The following LRMDA variants were observed in gnomAD, a reference collection of about 807,000 sequenced individuals.
LRMDA encodes leucine-rich melanocyte differentiation-associated protein.
LRMDA carries 18 observed loss-of-function variants against 29.8 expected under a neutral mutation model. The ratio of observed to expected loss-of-function variants is 0.60; its 90% CI spans 0.42 to 0.90. The LOEUF (loss-of-function observed/expected upper bound fraction) is 0.90. Among genes scored for constraint, LRMDA ranks in the 40% least tolerant of loss-of-function variants. LRMDA has a pLI of 0.00. For missense variants in LRMDA, 273 were observed against 273.9 expected (o/e 1.00, Z 0.02); for synonymous variants, 125 against 109.4 (o/e 1.14, Z -0.89).
intron 2 of LRMDA, among the ~76,000 whole-genome samples, chr10:75,831,010 G>T (rs532749326): frequency 6.6e-6 from 1 of 152,110 alleles, no homozygotes; most frequent in Non-Finnish European, 1.5e-5. Flanking sequence ...GGGGCTATTG[G>T]CCCCATGCAA....
intron 2 of LRMDA, among the ~76,000 whole-genome samples, chr10:75,839,909 C>T (rs889184859): frequency 3.9e-5 from 6 of 151,954 alleles, no homozygotes; most frequent in East Asian, 1.9e-4. Flanking sequence ...GGGGTTTCAC[C>T]GTATTATCCA....
At chr10:76,050,662 A>G (rs539052866) in intron 4 of LRMDA, among the ~76,000 whole-genome samples, 2 of 152,240 alleles carry the variant, frequency 1.3e-5, no homozygotes, top group Non-Finnish European at 2.9e-5. Context: ...ACAGCAGTGC[A>G]AGACTTGGCC....
intron 2 of LRMDA, among the ~76,000 whole-genome samples, chr10:75,713,044 G>C (rs897026749): frequency 6.6e-6 from 1 of 152,168 alleles, no homozygotes; most frequent in African/African-American, 2.4e-5. Flanking sequence ...CTTTAGGGAG[G>C]CATGGGATAG....
At chr10:75,589,500 C>A (rs896162143) in intron 2 of LRMDA, among the ~76,000 whole-genome samples, 10 of 152,116 alleles carry the variant, frequency 6.6e-5, no homozygotes, top group African/African-American at 2.4e-4. Flanking sequence ...GGCCTGTAAT[C>A]CCAGCAATTT....
intron 2 of LRMDA, among the ~76,000 whole-genome samples, chr10:75,810,585 A>G (rs556117765): frequency 6.5e-4 from 99 of 152,326 alleles, no homozygotes; most frequent in African/African-American, 2.3e-3. Flanking sequence ...AGAAATACCA[A>G]TTTCACACAA....
chr10:75,462,019 A>C (rs901946307), intron 2 of LRMDA, among the ~76,000 whole-genome samples: 5 of 152,252 alleles, frequency 3.3e-5, no homozygotes, highest in Admixed American at 6.5e-5. Flanking sequence ...ATGACAAATC[A>C]AGTACGCTAA....
chr10:75,486,397 G>A (rs1211543120), intron 2 of LRMDA, among the ~76,000 whole-genome samples: 4 of 152,062 alleles, frequency 2.6e-5, no homozygotes, highest in African/African-American at 7.2e-5. Flanking sequence ...ATGGCCCAGT[G>A]CTTACAGAGG....
chr10:75,849,182 C>T (rs1272674067), intron 2 of LRMDA, among the ~76,000 whole-genome samples: 1 of 152,098 alleles, frequency 6.6e-6, no homozygotes, highest in Non-Finnish European at 1.5e-5. Flanking sequence ...GTGGTAATGC[C>T]TTCTTATTCT....
intron 2 of LRMDA, among the ~76,000 whole-genome samples, chr10:75,726,893 T>C (rs867167191): frequency 6.6e-6 from 1 of 152,338 alleles, no homozygotes. Context: ...CCTTTAGAGC[T>C]TGAGTTACTT....
At chr10:76,032,337 C>T (rs1014509164) in intron 2 of LRMDA, among the ~76,000 whole-genome samples, 1 of 152,220 alleles carries the variant, frequency 6.6e-6, no homozygotes, top group African/African-American at 2.4e-5. Context: ...GGGCTGCACG[C>T]CTGTTCGGCG....
intron 6 of LRMDA, among the ~76,000 whole-genome samples, chr10:76,428,137 C>G (rs1211004522): frequency 6.6e-6 from 1 of 152,122 alleles, no homozygotes; most frequent in Non-Finnish European, 1.5e-5. Flanking sequence ...CTTCTTGTGG[C>G]TGAGCCAAAA....
intron 2 of LRMDA, among the ~76,000 whole-genome samples, chr10:75,725,236 G>A (rs1387610893): frequency 1.3e-5 from 2 of 152,072 alleles, no homozygotes; most frequent in South Asian, 2.1e-4. Context: ...TTTTATTGTT[G>A]TTCTTTCAAA....
At chr10:76,278,740 C>T (rs1444797086) in intron 5 of LRMDA, among the ~76,000 whole-genome samples, 1 of 152,208 alleles carries the variant, frequency 6.6e-6, no homozygotes, top group African/African-American at 2.4e-5. Context: ...CTCCTCTGGC[C>T]TCTCCCTTCC....
At chr10:75,540,138 G>A (rs1839998996) in intron 2 of LRMDA, among the ~76,000 whole-genome samples, 1 of 152,164 alleles carries the variant, frequency 6.6e-6, no homozygotes, top group East Asian at 1.9e-4. Flanking sequence ...AGGAGTAAAG[G>A]GTTAGGTGCC....
intron 5 of LRMDA, among the ~76,000 whole-genome samples, chr10:76,237,427 A>G (rs1377514007): frequency 6.6e-6 from 1 of 152,208 alleles, no homozygotes; most frequent in Admixed American, 6.5e-5. Flanking sequence ...AAGGGAATTT[A>G]GTGACCCAAG....
intron 5 of LRMDA, among the ~76,000 whole-genome samples, chr10:76,234,917 T>A (rs888522461): frequency 1.2e-4 from 18 of 151,976 alleles, no homozygotes; most frequent in African/African-American, 4.3e-4. Flanking sequence ...CACTTTCTTA[T>A]CATTCATGTG....
intron 5 of LRMDA, among the ~76,000 whole-genome samples, chr10:76,077,991 CATTTTT>C (rs1848986309): frequency 9.6e-5 from 8 of 83,464 alleles, no homozygotes; most frequent in Admixed American, 1.4e-4. Context: ...GCAATATTAA[CATTTTT>C]TTTTTTTTTT....
intron 2 of LRMDA, among the ~76,000 whole-genome samples, chr10:75,981,791 G>T (rs1847175463): frequency 6.7e-6 from 1 of 149,948 alleles, no homozygotes; most frequent in African/African-American, 2.5e-5. Flanking sequence ...AGTGGAGGTT[G>T]CAGTGAGCCG....
chr10:75,618,382 C>CTATATATATATA (rs71477026), intron 2 of LRMDA, among the ~76,000 whole-genome samples: 1 of 77,022 alleles, frequency 1.3e-5, no homozygotes, highest in African/African-American at 4.2e-5. Context: ...CTCTCTCTCT[C>CTATATATATATA]TATATATATA....
Sources: gnomAD v4.1 joint callset for allele counts (sites outside exome capture counted in the v4.1 genomes callset) on GRCh38, gnomAD v4.1.1 for gene constraint, MANE v1.5 for transcripts, NCBI Gene and HGNC (gene_info 2026-07-23, HGNC 2026-07-21) for gene names.